Variants in OAT observed in about 807,000 individuals in gnomAD.
OAT encodes the protein ornithine aminotransferase.
Under a neutral mutation model 48.4 loss-of-function variants are expected in OAT, and 35 were observed. That is an observed-to-expected ratio of 0.72 (90% CI 0.55 to 0.96). OAT has a LOEUF of 0.96. Ranked by LOEUF, OAT falls within the 40% of genes least tolerant of loss-of-function variation. The pLI is 0.00. For synonymous variants in OAT, 182 were observed against 198.4 expected, an observed-to-expected ratio of 0.92 and a Z score of 0.70; for missense variants, 438 against 537.9, an observed-to-expected ratio of 0.81 and a Z score of 1.84.
intron 4 of OAT, chr10:124,406,038 A>G: frequency 9.6e-7 from 1 of 1,039,218 alleles, no homozygotes; most frequent in Non-Finnish European, 1.2e-6. Context: ...TCATTTGGAG[A>G]AAAGATCCTC....
intron 4 of OAT, among the ~76,000 whole-genome samples, chr10:124,408,284 A>AGTGTGTGT (rs71026082): frequency 3.7e-4 from 30 of 81,260 alleles, no homozygotes; most frequent in African/African-American, 9.2e-4. Flanking sequence ...AAAATATATA[A>AGTGTGTGT]GTGTGTGTGT....
chr10:124,399,732 G>A (rs1010926346), intron 9 of OAT, among the ~76,000 whole-genome samples: 4 of 152,114 alleles, frequency 2.6e-5, no homozygotes, highest in Non-Finnish European at 5.9e-5. Flanking sequence ...AATCCAGCAA[G>A]GAACACCTAA....
chr10:124,410,898 G>C (rs763984474), intron 2 of OAT, among the ~76,000 whole-genome samples: 1 of 152,088 alleles, frequency 6.6e-6, no homozygotes, highest in East Asian at 1.9e-4. Context: ...CCAGCACTTT[G>C]GGAGGCTGAG....
chr10:124,412,340 A>G (rs916670824), intron 1 of OAT, 140 bp from the exon 2 acceptor site: 5 of 664,974 alleles, frequency 7.5e-6, no homozygotes, highest in African/African-American at 3.7e-5. Context: ...GCAAGACTCC[A>G]TCACTAAAAA....
intron 2 of OAT, among the ~76,000 whole-genome samples, chr10:124,409,561 A>T (rs1231534077): frequency 1.3e-5 from 2 of 152,032 alleles, no homozygotes; most frequent in Non-Finnish European, 1.5e-5. Flanking sequence ...TAAAAAAAAA[A>T]AATAAAATAA....
intron 2 of OAT, among the ~76,000 whole-genome samples, chr10:124,409,380 C>T (rs370673415): frequency 2.5e-4 from 38 of 152,094 alleles, no homozygotes; most frequent in East Asian, 7.7e-4. Flanking sequence ...CTGGACAACA[C>T]GGCAAAATCC....
chr10:124,417,800 T>G (rs1307340754), intron 1 of OAT, among the ~76,000 whole-genome samples: 3 of 152,238 alleles, frequency 2.0e-5, no homozygotes, highest in African/African-American at 7.2e-5. Flanking sequence ...ATTTGGAAAC[T>G]GAACATTAGT....
Position 124,401,801 on chromosome 10 carries a change from G to A in OAT, c.939C>T (p.Thr313=). 1 of 1,613,244 alleles carries A rather than the reference G, an allele frequency of 6.2e-7. No homozygotes were observed. The highest frequency in any genetic ancestry group is 8.5e-7 in the Non-Finnish European group (1 of 1,179,800). The change falls in exon 8 of 10, where the codon ACC becomes ACT. Residue 313 remains threonine (T), a synonymous_variant. Coordinates refer to ENST00000368845, the MANE Select transcript of OAT (RefSeq NM_000274.4). The part of the protein sequence containing the change: ...AVLCDDDIML[T]IKPGEHGSTY... Reference sequence around the variant, plus strand: ...TGGACCCATGCTCCCCTGGCTTAATGGTCAGCATGATGTCATCATCACACA... The same window carrying A: ...TGGACCCATGCTCCCCTGGCTTAATAGTCAGCATGATGTCATCATCACACA...
intron 7 of OAT, 65 bp from the exon 8 acceptor site, chr10:124,401,904 C>T: frequency 8.3e-7 from 1 of 1,201,902 alleles, no homozygotes; most frequent in Non-Finnish European, 1.2e-6. Context: ...CATCCTTTTC[C>T]CCAGAGTCTC....
At chr10:124,403,367 A>G (rs1951472041) in intron 6 of OAT, 1 of 490,294 alleles carries the variant, frequency 2.0e-6, no homozygotes, top group Admixed American at 3.5e-5. Flanking sequence ...ACCCTCTGGG[A>G]ACAAATTAAT....
intron 4 of OAT, chr10:124,405,902 TG>T: frequency 8.5e-7 from 1 of 1,180,706 alleles, no homozygotes; most frequent in South Asian, 1.7e-5. Context: ...AGGTCTTGAA[TG>T]CATGTTTTCT....
chr10:124,400,265 T>C (rs1951364030), intron 9 of OAT, among the ~76,000 whole-genome samples: 1 of 151,724 alleles, frequency 6.6e-6, no homozygotes, highest in Admixed American at 6.6e-5. Flanking sequence ...CTGGCCAACA[T>C]GGTGAAACCC....
At chr10:124,414,671 A>G (rs1242465376) in intron 1 of OAT, among the ~76,000 whole-genome samples, 1 of 152,230 alleles carries the variant, frequency 6.6e-6, no homozygotes, top group Non-Finnish European at 1.5e-5. Context: ...TGGACTCTTT[A>G]TGCTTTACTC....
chr10:124,403,197 C>A, intron 6 of OAT, 142 bp from the exon 7 acceptor site: 1 of 856,534 alleles, frequency 1.2e-6, no homozygotes, highest in South Asian at 1.5e-5. Context: ...GTTTTAACTG[C>A]ACACAATTTC....
intron 4 of OAT, chr10:124,405,803 G>T (rs1484841789): frequency 4.6e-6 from 6 of 1,303,610 alleles, no homozygotes; most frequent in South Asian, 1.5e-5. Context: ...TCTCTACTGA[G>T]CCTCTTGACT....
At chr10:124,403,372 A>AT (rs1951472282) in intron 6 of OAT, 3 of 455,752 alleles carry the variant, frequency 6.6e-6, no homozygotes, top group Non-Finnish European at 1.2e-5. Context: ...CTGGGAACAA[A>AT]TTAATTCATT....
At chr10:124,400,417 C>T (rs1951371181) in intron 9 of OAT, among the ~76,000 whole-genome samples, 1 of 149,312 alleles carries the variant, frequency 6.7e-6, no homozygotes, top group Non-Finnish European at 1.5e-5. Flanking sequence ...CATTGCACTC[C>T]AGCCTGGCAA....
intron 4 of OAT, among the ~76,000 whole-genome samples, chr10:124,408,250 CATAT>C (rs151213442): frequency 3.5e-5 from 5 of 144,500 alleles, no homozygotes; most frequent in Admixed American, 2.8e-4. Context: ...TAAATTTACA[CATAT>C]ATATATGTTT....
chr10:124,398,207 T>C, intron 9 of OAT, 105 bp from the exon 10 acceptor site: 8 of 1,282,178 alleles, frequency 6.2e-6, no homozygotes, highest in Non-Finnish European at 8.9e-6. Flanking sequence ...TTAACAGAAC[T>C]TGCTCAACTA....
Sources: gnomAD v4.1 joint callset for allele counts (sites outside exome capture counted in the v4.1 genomes callset) on GRCh38, gnomAD v4.1.1 for gene constraint, MANE v1.5 for transcripts, NCBI Gene and HGNC (gene_info 2026-07-23, HGNC 2026-07-21) for gene names.